The following DPP6 variants were observed in gnomAD, a reference collection of about 807,000 sequenced individuals.
DPP6 encodes the protein dipeptidyl peptidase like 6, also known as A-type potassium channel modulatory protein DPP6.
DPP6 carries 69 observed loss-of-function variants against 122.6 expected under a neutral mutation model. The ratio of observed to expected loss-of-function variants is 0.56; its 90% confidence interval spans 0.46 to 0.69. DPP6 has a LOEUF of 0.69. Ranked by LOEUF, DPP6 falls within the 30% of genes least tolerant of loss-of-function variation. DPP6 has a pLI of 0.00. For synonymous variants in DPP6, 418 were observed against 433.1 expected (o/e 0.97, Z 0.43); for missense variants, 928 against 1,116.9 (o/e 0.83, Z 2.41).
chr7:153,974,822 G>A (rs570727753), intron 1 of DPP6, among the ~76,000 whole-genome samples: 1 of 152,268 alleles, frequency 6.6e-6, no homozygotes, highest in Admixed American at 6.5e-5. Flanking sequence ...CACAATCTCT[G>A]TGCCCAGTTC....
intron 8 of DPP6, among the ~76,000 whole-genome samples, chr7:154,735,418 G>A (rs1015178466): frequency 2.0e-5 from 3 of 152,188 alleles, no homozygotes; most frequent in African/African-American, 4.8e-5. Context: ...TAAAAGTAAT[G>A]ATGAAAATAT....
intron 10 of DPP6, among the ~76,000 whole-genome samples, chr7:154,782,757 T>C (rs1254414309): frequency 6.6e-6 from 1 of 152,096 alleles, no homozygotes; most frequent in African/African-American, 2.4e-5. Context: ...AGGGTGAGGC[T>C]TGGGAGTTTG....
chr7:154,630,406 G>A (rs1261910098), intron 5 of DPP6, among the ~76,000 whole-genome samples: 1 of 152,120 alleles, frequency 6.6e-6, no homozygotes, highest in Non-Finnish European at 1.5e-5. Context: ...AGTGAAACTT[G>A]GTAATCATGT....
At chr7:154,397,858 C>T (rs1324455347) in intron 1 of DPP6, among the ~76,000 whole-genome samples, 1 of 151,762 alleles carries the variant, frequency 6.6e-6, no homozygotes, top group African/African-American at 2.4e-5. Context: ...GGTGTCTTCT[C>T]TAATAAACAC....
chr7:154,835,308 C>T (rs1485696736), intron 16 of DPP6, among the ~76,000 whole-genome samples: 1 of 152,190 alleles, frequency 6.6e-6, no homozygotes, highest in Admixed American at 6.5e-5. Context: ...AAGCCGCGGA[C>T]TGATGGCCCC....
intron 1 of DPP6, among the ~76,000 whole-genome samples, chr7:154,208,109 TAAAC>T: frequency 1.3e-5 from 2 of 152,204 alleles, no homozygotes; most frequent in Admixed American, 1.3e-4. Context: ...GAAAGAAAAA[TAAAC>T]AACCTCTATA....
intron 21 of DPP6, chr7:154,884,319 CAT>C (rs1289426656): frequency 2.7e-5 from 4 of 149,724 alleles, no homozygotes; most frequent in East Asian, 2.0e-4. Flanking sequence ...CTCACACACA[CAT>C]GCTCACACAA....
chr7:154,252,224 G>GTA (rs1219693278), intron 1 of DPP6, among the ~76,000 whole-genome samples: 1 of 145,912 alleles, frequency 6.9e-6, no homozygotes, highest in African/African-American at 2.5e-5. Flanking sequence ...GTGTGTGTGT[G>GTA]TGTGTGTGTG....
intron 1 of DPP6, among the ~76,000 whole-genome samples, chr7:154,027,649 C>T (rs1263268125): frequency 6.6e-6 from 1 of 151,922 alleles, no homozygotes; most frequent in Admixed American, 6.6e-5. Flanking sequence ...GATGCCACTC[C>T]CCATGCTTTC....
intron 1 of DPP6, among the ~76,000 whole-genome samples, chr7:154,137,650 TGGGGGGGTG>T (rs1795629551): frequency 9.9e-5 from 1 of 10,086 alleles, no homozygotes; most frequent in Non-Finnish European, 2.1e-4. Flanking sequence ...GTGGGGGGGG[TGGGGGGGTG>T]GGGGGGGTGG....
At chr7:153,907,723 G>C (rs1381817310) in intron 1 of DPP6, among the ~76,000 whole-genome samples, 1 of 152,194 alleles carries the variant, frequency 6.6e-6, no homozygotes, top group Admixed American at 6.5e-5. Flanking sequence ...CTCTGGACTT[G>C]AACTGCAGCA....
chr7:153,796,997 C>T, the DPP6 span, among the ~76,000 whole-genome samples: 8 of 152,130 alleles, frequency 5.3e-5, no homozygotes, highest in Non-Finnish European at 1.2e-4. Context: ...TAAGGGAAGC[C>T]GGCTGCCATG....
upstream of DPP6, among the ~76,000 whole-genome samples, chr7:153,882,555 G>A (rs1411702563): frequency 6.6e-6 from 1 of 152,208 alleles, no homozygotes; most frequent in Non-Finnish European, 1.5e-5. Context: ...TTTGCCAAAA[G>A]TCTCAACTTA....
chr7:153,928,396 A>ATTTTTTTTTTTTCT (rs1801012581), intron 1 of DPP6, among the ~76,000 whole-genome samples: 1 of 43,672 alleles, frequency 2.3e-5, no homozygotes, highest in Non-Finnish European at 4.4e-5. Flanking sequence ...CTTTTCTTTC[A>ATTTTTTTTTTTTCT]TTTTTTTTTT....
At chr7:153,752,714 G>T in the DPP6 span, among the ~76,000 whole-genome samples, 1 of 116,850 alleles carries the variant, frequency 8.6e-6, no homozygotes. Flanking sequence ...TGGCATGGTG[G>T]TATGTGCCTG....
chr7:154,482,533 G>A (rs1308457838), intron 3 of DPP6, among the ~76,000 whole-genome samples: 1 of 152,074 alleles, frequency 6.6e-6, no homozygotes, highest in Non-Finnish European at 1.5e-5. Context: ...CCCTCTAACT[G>A]AAAATGGCCA....
chr7:154,634,762 C>T (rs1337557907), intron 5 of DPP6, among the ~76,000 whole-genome samples: 3 of 151,578 alleles, frequency 2.0e-5, no homozygotes, highest in Non-Finnish European at 2.9e-5. Context: ...ATTTTAATTG[C>T]TCTCCCCGTT....
chr7:154,675,085 A>C (rs78018058), intron 7 of DPP6, among the ~76,000 whole-genome samples: 18,486 of 152,210 alleles, frequency 0.12, 1,223 homozygotes, highest in African/African-American at 0.16. Flanking sequence ...TTATCGGAGA[A>C]CGTCAATAAA....
At chr7:153,835,556 G>A in the DPP6 span, among the ~76,000 whole-genome samples, 7 of 151,842 alleles carry the variant, frequency 4.6e-5, no homozygotes, top group Admixed American at 1.3e-4. Context: ...CATGGAAGCC[G>A]GCTGTGAGGG....
Sources: allele counts gnomAD v4.1 joint callset (sites outside exome capture counted in the v4.1 genomes callset), GRCh38; gene constraint gnomAD v4.1.1; transcripts MANE v1.5; gene names NCBI Gene and HGNC (gene_info 2026-07-23, HGNC 2026-07-21).